Variants in ERLIN1 observed in about 807,000 individuals in gnomAD.
The protein encoded by ERLIN1 is erlin-1.
A neutral mutation model predicts 46.9 loss-of-function variants in ERLIN1; 24 were observed. The ratio of observed to expected loss-of-function variants is 0.51; its 90% CI spans 0.37 to 0.72. The LOEUF is 0.72. ERLIN1 is among the 30% of genes least tolerant of loss of function. The pLI is 0.00. For missense variants in ERLIN1, 293 were observed against 417.9 expected (o/e 0.70, Z 2.61); for synonymous variants, 158 against 143.2 (o/e 1.10, Z -0.74).
In ERLIN1 at chr10:100,152,006, A is replaced by G; in HGVS notation, c.*125T>C. The G allele has an allele frequency of 1.4e-6, 1 of 730,584 alleles. No individual in the cohort carries two copies. Among genetic ancestry groups the G allele is most frequent in the Non-Finnish European group, 2.5e-6 (1 of 404,488 alleles). 45.3% of individuals were successfully genotyped at this position (730,584 alleles called of 1,614,324 possible). A position where few individuals can be genotyped will look rare whatever the true frequency, so the allele number is the denominator to read the frequency against. On this transcript the variant is annotated 3_prime_UTR_variant, in exon 11 of 11. Transcript: ENST00000421367. ...TCCAATCAGTGGAGCACCCAGGACT[A>G]TCGCAGGAGAGGTGGAACAGATGAA...
At chr10:100,175,539 G>A (rs1844247080) in intron 5 of ERLIN1, among the ~76,000 whole-genome samples, 1 of 152,116 alleles carries the variant, frequency 6.6e-6, no homozygotes, top group Non-Finnish European at 1.5e-5. Context: ...GTGTGCCTTT[G>A]CCTCTCGCTG....
Position 100,185,850 on chromosome 10 carries a change from G to A in ERLIN1, c.-224C>T, listed in dbSNP as rs1414006183. On this transcript the variant is annotated 5_prime_UTR_variant, in exon 1 of 11. Coordinates refer to ENST00000421367, the MANE Select transcript of ERLIN1 (RefSeq NM_006459.4). ...GGCCAGTGGGCCGCCCCTGCTCGGT[G>A]AGCTTCCTGAAACTCCCTCTCCCAA... is the stretch of plus-strand genomic sequence containing the variant. 3 of 568,494 alleles carry A rather than the reference G, an allele frequency of 5.3e-6. No individual in the cohort carries two copies. Among genetic ancestry groups the A allele is most frequent in the South Asian group, 2.2e-5 (1 of 46,188 alleles). 35.2% of individuals were successfully genotyped at this position (568,494 alleles called of 1,614,324 possible). A position where few individuals can be genotyped will look rare whatever the true frequency, so the allele number is the denominator to read the frequency against.
chr10:100,176,176 G>C (rs1392812498), intron 4 of ERLIN1, 106 bp from the exon 5 acceptor site: 3 of 954,706 alleles, frequency 3.1e-6, no homozygotes, highest in Non-Finnish European at 4.4e-6. Flanking sequence ...ATGAGGAAAA[G>C]TGCCAACAAA....
intron 7 of ERLIN1, 28 bp downstream of exon 7, chr10:100,167,320 A>C: frequency 6.5e-7 from 1 of 1,534,664 alleles, no homozygotes; most frequent in Non-Finnish European, 9.0e-7. Context: ...CTAAACAGAA[A>C]TATTGGGATC....
chr10:100,157,719 G>C (rs1483044302), intron 8 of ERLIN1, among the ~76,000 whole-genome samples: 1 of 152,158 alleles, frequency 6.6e-6, no homozygotes, highest in African/African-American at 2.4e-5. Context: ...ACTGTAAGCA[G>C]AAACTCAAGA....
At chr10:100,184,993 G>A (rs1844878708) in intron 1 of ERLIN1, among the ~76,000 whole-genome samples, 1 of 152,082 alleles carries the variant, frequency 6.6e-6, no homozygotes, top group South Asian at 2.1e-4. Context: ...AACTTGAACA[G>A]CAACAGTAAG....
At chr10:100,154,182 C>T (rs979752515) in intron 10 of ERLIN1, among the ~76,000 whole-genome samples, 2 of 152,136 alleles carry the variant, frequency 1.3e-5, no homozygotes, top group African/African-American at 4.8e-5. Context: ...CTTAAATAGC[C>T]CCTGCTCACT....
chr10:100,170,132 C>T (rs915518357), intron 6 of ERLIN1, among the ~76,000 whole-genome samples: 1 of 151,994 alleles, frequency 6.6e-6, no homozygotes, highest in African/African-American at 2.4e-5. Context: ...ACAGCAAAGG[C>T]CATTATTTTT....
chr10:100,175,988 G>C lies in ERLIN1; in HGVS notation c.387C>G (p.Phe129Leu), dbSNP rs1298187682. The change falls in exon 5 of 11, where the codon TTC becomes TTG. Residue 129 changes from phenylalanine (F) to leucine (L), a missense_variant. Phe to Leu is a conservative substitution (Grantham distance 22). Coordinates refer to ENST00000421367, the MANE Select transcript of ERLIN1 (RefSeq NM_006459.4). ...FNKIHHELNQ[F>L]CSAHTLQEVY... is the part of the protein sequence containing the mutation. ...CTTCCTGAAGTGTGTGGGCACTGCAGAACTGGTTCAGCTCATGGTGGATTT... is the reference window on the plus strand; with the variant it reads ...CTTCCTGAAGTGTGTGGGCACTGCACAACTGGTTCAGCTCATGGTGGATTT... 6.2e-7 allele frequency: 1 copy of C among 1,613,426 alleles called. No homozygotes were observed. The highest frequency in any genetic ancestry group is 8.5e-7 in the Non-Finnish European group (1 of 1,179,530).
chr10:100,151,585 T>A lies in ERLIN1; in HGVS notation c.*546A>T, dbSNP rs1483752816. The A allele has an allele frequency of 5.4e-6, 1 of 183,616 alleles. No homozygotes were observed. The highest frequency in any genetic ancestry group is 1.1e-4 in the South Asian group (1 of 8,964). 11.4% of individuals were successfully genotyped at this position (183,616 alleles called of 1,614,324 possible). A position where few individuals can be genotyped will look rare whatever the true frequency, so the allele number is the denominator to read the frequency against. The stretch of plus-strand genomic sequence containing the variant: ...ACAGAAAGGTGCAAATCGTATCAAG[T>A]AAAAGGTTGCTCAAGTGGAAGATCA... On this transcript the variant is annotated 3_prime_UTR_variant, in exon 11 of 11. Coordinates refer to ENST00000421367, the MANE Select transcript of ERLIN1 (RefSeq NM_006459.4).
intron 10 of ERLIN1, among the ~76,000 whole-genome samples, chr10:100,154,544 A>T (rs1458090235): frequency 6.6e-6 from 1 of 152,186 alleles, no homozygotes; most frequent in African/African-American, 2.4e-5. Flanking sequence ...AGTATCTACC[A>T]AAAAAACTAC....
Position 100,152,358 on chromosome 10 carries a change from TG to T in ERLIN1, c.826-7del, listed in dbSNP as rs781032219. On this transcript the variant is annotated splice_region_variant and splice_polypyrimidine_tract_variant and intron_variant, in intron 10 of 10. Coordinates refer to ENST00000421367, the MANE Select transcript of ERLIN1 (RefSeq NM_006459.4). ...TATTCCGGGGTCAACTTGTGCTGTGTGGGAGCAAACAAGAGCAAAGGCATCA... is the reference window on the plus strand; with the variant it reads ...TATTCCGGGGTCAACTTGTGCTGTGTGGAGCAAACAAGAGCAAAGGCATCA... 29 of 1,575,124 alleles carry T rather than the reference TG, an allele frequency of 1.8e-5. No homozygotes were observed. The highest frequency in any genetic ancestry group is 2.5e-5 in the Non-Finnish European group (29 of 1,143,760).
At chr10:100,155,015 T>C (rs944292411) in intron 9 of ERLIN1, 76 bp from the exon 10 acceptor site, 4 of 1,180,356 alleles carry the variant, frequency 3.4e-6, no homozygotes, top group African/African-American at 1.5e-5. Context: ...CTGCTTAATA[T>C]TGTGACTGCT....
intron 6 of ERLIN1, among the ~76,000 whole-genome samples, chr10:100,172,324 T>C (rs904602025): frequency 1.3e-5 from 2 of 152,222 alleles, no homozygotes; most frequent in African/African-American, 4.8e-5. Context: ...ACATTAAGAA[T>C]AGTCGAGAAA....
chr10:100,185,396 T>A, intron 1 of ERLIN1, 118 bp downstream of exon 1: 1 of 748,608 alleles, frequency 1.3e-6, no homozygotes, highest in Non-Finnish European at 2.3e-6. Flanking sequence ...CCCCGTGCTC[T>A]CCCTAGAGAT....
In ERLIN1 at chr10:100,164,555, T is replaced by C. The variant is rs1359375; in HGVS notation, c.564-460A>G. Among the ~76,000 whole-genome samples the C allele has an allele frequency of 4.9e-3, 754 of 152,348 alleles. 13 individuals are homozygous for C. The highest frequency in any genetic ancestry group is 0.044 in the East Asian group (228 of 5,180). Reference sequence around the variant, plus strand: ...TGCCCTCCTCAGGTGGGCACCCATGTGCAGTGACCATATTTGTTGCACAGA... The same window carrying C: ...TGCCCTCCTCAGGTGGGCACCCATGCGCAGTGACCATATTTGTTGCACAGA... On this transcript the variant is annotated intron_variant, in intron 7 of 10. Coordinates refer to ENST00000421367, the MANE Select transcript of ERLIN1 (RefSeq NM_006459.4).
chr10:100,183,780 G>T lies in ERLIN1; in HGVS notation c.171C>A (p.Phe57Leu). Residue 57 changes from phenylalanine (F) to leucine (L), a missense_variant, in exon 2 of 11, where the codon TTC (phenylalanine) becomes TTA (leucine). Physicochemically the swap from Phe to Leu is conservative, Grantham distance 22. Around this residue, in one of 3 missense-constraint regions of ERLIN1, gnomAD observed 76 missense variants for 77.0 expected, o/e 0.99. Coordinates refer to ENST00000421367, the MANE Select transcript of ERLIN1 (RefSeq NM_006459.4). ...CCTGCACAGATCTGAACGTAGTAATGAAAGGCAACATGATATGATAGCCTG... is the reference window on the plus strand; with the variant it reads ...CCTGCACAGATCTGAACGTAGTAATTAAAGGCAACATGATATGATAGCCTG... Reference protein sequence around the residue: ...SGPGYHIMLPFITTFRSVQTT... With the variant: ...SGPGYHIMLPLITTFRSVQTT... The T allele has an allele frequency of 3.1e-6, 5 of 1,613,284 alleles. No homozygotes were observed.
At chr10:100,175,528 G>C (rs911586391) in intron 5 of ERLIN1, among the ~76,000 whole-genome samples, 1 of 152,126 alleles carries the variant, frequency 6.6e-6, no homozygotes, top group Admixed American at 6.5e-5. Flanking sequence ...GCATTTTGCT[G>C]GTGTGCCTTT....
At position 100,183,790 on chromosome 10, in the gene ERLIN1, A is replaced by G. The variant is rs745660760; in HGVS notation, c.161T>C (p.Met54Thr). 1 of 1,613,736 alleles carries G rather than the reference A, an allele frequency of 6.2e-7. No individual in the cohort carries two copies. The highest frequency in any genetic ancestry group is 1.1e-5 in the South Asian group (1 of 91,068). The change falls in exon 2 of 11, where the codon ATG becomes ACG. Residue 54 changes from methionine to threonine, a missense_variant. Met to Thr is a moderately conservative substitution (Grantham distance 81). Coordinates refer to ENST00000421367, the MANE Select transcript of ERLIN1 (RefSeq NM_006459.4). ...TCTGAACGTAGTAATGAAAGGCAAC[A>G]TGATATGATAGCCTGGTCCACTGGG... ...TSPSGPGYHIMLPFITTFRSV... is the reference protein window; with the variant it reads ...TSPSGPGYHITLPFITTFRSV...
Sources: gnomAD v4.1 joint callset for allele counts (sites outside exome capture counted in the v4.1 genomes callset) on GRCh38, gnomAD v4.1.1 for gene constraint, gnomAD v4.1.1 regional missense constraint, MANE v1.5 for transcripts, NCBI Gene and HGNC (gene_info 2026-07-23, HGNC 2026-07-21) for gene names.